ADPGK: variants seen among roughly 807,000 people sequenced by gnomAD.
ADPGK encodes ADP-dependent glucokinase.
A neutral mutation model predicts 42.4 loss-of-function variants in ADPGK; 26 were observed. The observed-to-expected ratio is 0.61, with a 90% CI of 0.45 to 0.85. ADPGK has a LOEUF of 0.85. Ranked by LOEUF, ADPGK falls within the 40% of genes least tolerant of loss-of-function variation. The pLI is 0.00. For synonymous variants in ADPGK, 267 were observed against 252.6 expected, an observed-to-expected ratio of 1.06 and a Z score of -0.54; for missense variants, 571 against 627.0, an observed-to-expected ratio of 0.91 and a Z score of 0.95.
At position 72,771,766 on chromosome 15, in the gene ADPGK, C is replaced by G. The variant is rs753034697; in HGVS notation, c.522+17G>C. On this transcript the variant is annotated intron_variant, in intron 3 of 6. Transcript: ENST00000456471. ...ACTAGGGAAAGGCATAGGTTTTAAT[C>G]TAAAAACTTGACCTACCTTTAAATC... The G allele has an allele frequency of 8.8e-5, 142 of 1,606,980 alleles. No homozygotes were observed. Among genetic ancestry groups the G allele is most frequent in the Non-Finnish European group, 1.1e-4 (129 of 1,176,306 alleles).
chr15:72,756,566 T>A (rs886226791), intron 4 of ADPGK, 119 bp from the exon 5 acceptor site: 1 of 1,080,246 alleles, frequency 9.3e-7, no homozygotes, highest in Non-Finnish European at 1.3e-6. Flanking sequence ...GGTTTCTGGC[T>A]GAGGAGACCC....
At chr15:72,758,612 G>A (rs1385502418) in intron 4 of ADPGK, 7 of 190,530 alleles carry the variant, frequency 3.7e-5, no homozygotes, top group African/African-American at 1.4e-4. Flanking sequence ...ATGCAGAAGA[G>A]GCATAGGAAA....
chr15:72,757,201 C>CTTTTTTTTTTTTTTT (rs34450649), intron 4 of ADPGK: 1 of 123,402 alleles, frequency 8.1e-6, no homozygotes, highest in Non-Finnish European at 1.7e-5. Flanking sequence ...TTCTTTTTTC[C>CTTTTTTTTTTTTTTT]TTTTTTTTTT....
chr15:72,783,442 G>A lies in ADPGK; in HGVS notation c.233+17C>T. On this transcript the variant is annotated intron_variant, in intron 1 of 6. Transcript: ENST00000456471. ...CGACCTCGGAGGCTCAGAGACCCAG[G>A]CCCCGTTGGCACTCACCCCACTGCC... The A allele has an allele frequency of 7.4e-7, 1 of 1,346,102 alleles. No individual in the cohort carries two copies. The highest frequency in any genetic ancestry group is 1.5e-5 in the African/African-American group (1 of 65,314). The allele number at this position is 1,346,102 out of a possible 1,614,324, so 83.4% of individuals were successfully genotyped here. A position where few individuals can be genotyped will look rare whatever the true frequency, so the allele number is the denominator to read the frequency against.
At chr15:72,757,215 T>A (rs1396175607) in intron 4 of ADPGK, 1 of 151,378 alleles carries the variant, frequency 6.6e-6, no homozygotes, top group Admixed American at 6.6e-5. Context: ...TTTTTTTTTT[T>A]TTTTCTTCTG....
chr15:72,783,562 C>A lies in ADPGK; in HGVS notation c.130G>T (p.Ala44Ser), dbSNP rs979571124. ...GAGACGGGTCCCGGGGGCGCAGGCGCGGGCCCCAGACACAGCGAGCTCCAG... is the reference window on the plus strand; with the variant it reads ...GAGACGGGTCCCGGGGGCGCAGGCGAGGGCCCCAGACACAGCGAGCTCCAG... ...SLWSSLCLGP[A>S]PAPPGPVSPE... is the part of the protein sequence containing the mutation. The change falls in exon 1 of 7, where the codon GCG becomes TCG. Residue 44 changes from alanine (A) to serine (S), a missense_variant. Ala to Ser is a moderately conservative substitution (Grantham distance 99, BLOSUM62 1). Coordinates refer to ENST00000456471, the MANE Select transcript of ADPGK (RefSeq NM_001365225.1). 7 of 1,499,786 alleles carry A rather than the reference C, an allele frequency of 4.7e-6. No individual in the cohort carries two copies. The African/African-American group carries it at 1.0e-4, about 22-fold the overall frequency. The allele number at this position is 1,499,786 out of a possible 1,614,324, so 92.9% of individuals were successfully genotyped here.
chr15:72,755,479 A>G (rs1435456864), intron 6 of ADPGK, 77 bp downstream of exon 6: 1 of 1,088,692 alleles, frequency 9.2e-7, no homozygotes, highest in Admixed American at 2.1e-5. Context: ...GCCCAAACAG[A>G]TGGTCCCACT....
At chr15:72,769,646 G>A (rs902064967) in intron 3 of ADPGK, among the ~76,000 whole-genome samples, 2 of 152,094 alleles carry the variant, frequency 1.3e-5, no homozygotes, top group Non-Finnish European at 2.9e-5. Context: ...TTAAAGGCAC[G>A]GTTCCTCTCC....
intron 1 of ADPGK, among the ~76,000 whole-genome samples, chr15:72,775,800 A>T (rs1412368526): frequency 2.0e-5 from 3 of 152,110 alleles, no homozygotes; most frequent in Non-Finnish European, 4.4e-5. Context: ...CTGACCCATG[A>T]ACGTTAAAGA....
chr15:72,763,848 A>G (rs1016645966), intron 3 of ADPGK, among the ~76,000 whole-genome samples: 3 of 152,200 alleles, frequency 2.0e-5, no homozygotes, highest in African/African-American at 7.2e-5. Flanking sequence ...TAGTTCTCAC[A>G]TTTCAAAGGT....
chr15:72,755,686 A>G, intron 5 of ADPGK, 32 bp from the exon 6 acceptor site: 1 of 1,496,092 alleles, frequency 6.7e-7, no homozygotes, highest in Non-Finnish European at 9.3e-7. Flanking sequence ...CACTGCCATT[A>G]GAAATAGAAG....
At chr15:72,773,852 T>C (rs563308757) in intron 2 of ADPGK, among the ~76,000 whole-genome samples, 3 of 152,212 alleles carry the variant, frequency 2.0e-5, no homozygotes, top group Non-Finnish European at 4.4e-5. Flanking sequence ...AATAGGCAGC[T>C]TCGAAGACAA....
chr15:72,765,211 C>A (rs1364722953), intron 3 of ADPGK, among the ~76,000 whole-genome samples: 1 of 152,118 alleles, frequency 6.6e-6, no homozygotes, highest in Admixed American at 6.5e-5. Context: ...GTGAGTGGCA[C>A]GATCTCAGCC....
chr15:72,767,743 ATATTAG>A (rs1402191612), intron 3 of ADPGK, among the ~76,000 whole-genome samples: 1 of 152,202 alleles, frequency 6.6e-6, no homozygotes, highest in Admixed American at 6.5e-5. Flanking sequence ...AATCAAAGGG[ATATTAG>A]TATTTTGAAA....
chr15:72,782,504 G>A (rs1200541501), intron 1 of ADPGK, among the ~76,000 whole-genome samples: 5 of 111,308 alleles, frequency 4.5e-5, no homozygotes, highest in Non-Finnish European at 6.6e-5. Flanking sequence ...CAGCCTAGGC[G>A]ACAGAGAGAG....
At chr15:72,775,443 G>A (rs766425148) in intron 1 of ADPGK, among the ~76,000 whole-genome samples, 10 of 152,168 alleles carry the variant, frequency 6.6e-5, no homozygotes, top group Non-Finnish European at 4.4e-5. Context: ...CATGCTGGCC[G>A]TGTGACTTGG....
chr15:72,773,164 A>G (rs557047623), intron 2 of ADPGK, among the ~76,000 whole-genome samples: 1 of 152,304 alleles, frequency 6.6e-6, no homozygotes, highest in Non-Finnish European at 1.5e-5. Flanking sequence ...GTTTTAAGAA[A>G]GTTTATGAAT....
In ADPGK at chr15:72,783,499, T is replaced by C. The variant is rs2151100135; in HGVS notation, c.193A>G (p.Ile65Val). Residue 65 changes from isoleucine to valine, a missense_variant, in exon 1 of 7, where the codon ATC (isoleucine) becomes GTC (valine). Around this residue, in one of 2 missense-constraint regions of ADPGK, gnomAD observed 137 missense variants for 104.2 expected, o/e 1.31. Coordinates refer to ENST00000456471, the MANE Select transcript of ADPGK (RefSeq NM_001365225.1). ...GRLAAAWDALIVRPVRRWRRV... is the reference protein window; with the variant it reads ...GRLAAAWDALVVRPVRRWRRV... ...CGCCAGCGCCGGACTGGCCGCACGATAAGCGCGTCCCAGGCTGCCGCCAAC... is the reference window on the plus strand; with the variant it reads ...CGCCAGCGCCGGACTGGCCGCACGACAAGCGCGTCCCAGGCTGCCGCCAAC... 2 of 1,455,362 alleles carry C rather than the reference T, an allele frequency of 1.4e-6. No homozygotes were observed. Among genetic ancestry groups the C allele is most frequent in the African/African-American group, 1.5e-5 (1 of 67,804 alleles). 90.2% of individuals were successfully genotyped at this position (1,455,362 alleles called of 1,614,324 possible).
intron 4 of ADPGK, chr15:72,758,437 A>C (rs2066145367): frequency 2.3e-6 from 1 of 428,148 alleles, no homozygotes; most frequent in African/African-American, 2.0e-5. Flanking sequence ...GTGGAAAAAA[A>C]AATGGACAAA....
Sources: allele counts gnomAD v4.1 joint callset (sites outside exome capture counted in the v4.1 genomes callset), GRCh38; gene constraint gnomAD v4.1.1; regional missense constraint gnomAD v4.1.1; transcripts MANE v1.5; gene names NCBI Gene and HGNC (gene_info 2026-07-23, HGNC 2026-07-21).